The following THAP6 variants were observed in gnomAD, a reference collection of about 807,000 sequenced individuals.
THAP6 encodes THAP domain containing 6.
Under a neutral mutation model 20.0 loss-of-function variants are expected in THAP6, and 13 were observed. The observed-to-expected ratio is 0.65, with a 90% CI of 0.42 to 1.03. THAP6 has a LOEUF of 1.03. Among genes scored for constraint, THAP6 ranks in the 50% least tolerant of loss-of-function variants. The pLI, the probability that THAP6 is intolerant of heterozygous loss-of-function variation, is 0.00. For synonymous variants in THAP6, 93 were observed against 92.2 expected (o/e 1.01, Z -0.05); for missense variants, 262 against 261.6 (o/e 1.00, Z -0.01).
chr4:75,543,642 T>C lies in THAP6; in HGVS notation c.243+1156T>C, dbSNP rs113940535. Among the ~76,000 whole-genome samples, 11 of 152,328 alleles carry C rather than the reference T, an allele frequency of 7.2e-5. 1 individual carries two copies. Among genetic ancestry groups the C allele is most frequent in the African/African-American group, 2.2e-4 (9 of 41,576 alleles). ...ATTGGCAGTCATAGATTACAGCCGATTCCTGGAACCAAGAGAGTAGAGAAA... is the reference window on the plus strand; with the variant it reads ...ATTGGCAGTCATAGATTACAGCCGACTCCTGGAACCAAGAGAGTAGAGAAA... On this transcript the variant is annotated intron_variant, in intron 3 of 4. Transcript: ENST00000502620.
chr4:75,525,961 G>A (rs887500843), intron 4 of THAP6, among the ~76,000 whole-genome samples: 4 of 152,178 alleles, frequency 2.6e-5, no homozygotes, highest in African/African-American at 9.7e-5. Flanking sequence ...ACTCAAAGGG[G>A]AGCCTCTGAA....
chr4:75,536,535 G>A (rs1006546581), intron 2 of THAP6, among the ~76,000 whole-genome samples: 2 of 151,578 alleles, frequency 1.3e-5, no homozygotes, highest in East Asian at 2.0e-4. Context: ...ATTTTATTTA[G>A]TTAGTTATTG....
intron 4 of THAP6, among the ~76,000 whole-genome samples, chr4:75,523,562 G>C (rs1726169223): frequency 6.6e-6 from 1 of 152,060 alleles, no homozygotes; most frequent in Admixed American, 6.6e-5. Context: ...CCAGCACTTT[G>C]GGAGGCCAAG....
At chr4:75,524,637 G>A (rs527839242) in intron 4 of THAP6, among the ~76,000 whole-genome samples, 7 of 152,124 alleles carry the variant, frequency 4.6e-5, no homozygotes, top group Non-Finnish European at 1.0e-4. Context: ...TTGCCCTGCT[G>A]TATTCTTACA....
Position 75,528,566 on chromosome 4 carries a change from G to A in THAP6, c.*1352G>A. 1.0e-6 allele frequency: 1 copy of A among 982,310 alleles called. No individual in the cohort carries two copies. Among genetic ancestry groups the A allele is most frequent in the Non-Finnish European group, 1.2e-6 (1 of 827,176 alleles). 60.8% of individuals were successfully genotyped at this position (982,310 alleles called of 1,614,324 possible). A position where few individuals can be genotyped will look rare whatever the true frequency, so the allele number is the denominator to read the frequency against. ...TTTTTGTTACATTAATATTAGTTAA[G>A]ATATGGTCACTTGAATTTTTTGTAT... On this transcript the variant is annotated 3_prime_UTR_variant, in exon 5 of 5. Coordinates refer to ENST00000311638, the MANE Select transcript of THAP6 (RefSeq NM_144721.6).
intron 2 of THAP6, among the ~76,000 whole-genome samples, chr4:75,536,166 T>C (rs1385766196): frequency 5.3e-5 from 8 of 152,150 alleles, no homozygotes; most frequent in Non-Finnish European, 1.2e-4. Flanking sequence ...TGAGACTGGA[T>C]TAAAAAGTAA....
intron 2 of THAP6, 138 bp from the exon 3 acceptor site, chr4:75,516,634 G>C: frequency 1.4e-6 from 1 of 710,790 alleles, no homozygotes. Flanking sequence ...ATGAATTATG[G>C]TTTCCTAAAT....
intron 2 of THAP6, among the ~76,000 whole-genome samples, chr4:75,535,568 T>A (rs994872281): frequency 3.3e-5 from 5 of 152,238 alleles, no homozygotes; most frequent in Admixed American, 1.3e-4. Context: ...TAATGAAGAA[T>A]TAGTGATATG....
At chr4:75,517,243 C>G (rs1180759188) in intron 3 of THAP6, 2 of 303,394 alleles carry the variant, frequency 6.6e-6, no homozygotes, top group African/African-American at 4.3e-5. Flanking sequence ...GTCTTGAACT[C>G]CTGACCTCGT....
In THAP6 at chr4:75,529,838, A is replaced by G; in HGVS notation, c.*2624A>G. On this transcript the variant is annotated 3_prime_UTR_variant, in exon 5 of 5. Transcript: ENST00000311638. ...TGGAATTTTTCTCTATATCAAGTTT[A>G]AATTTCTGGAAATAGACTTTGGTTG... 1.0e-6 allele frequency: 1 copy of G among 985,410 alleles called. No individual in the cohort carries two copies. The highest frequency in any genetic ancestry group is 1.2e-6 in the Non-Finnish European group (1 of 829,876). 61.0% of individuals were successfully genotyped at this position (985,410 alleles called of 1,614,324 possible).
chr4:75,519,451 T>G (rs556726881), intron 3 of THAP6, among the ~76,000 whole-genome samples: 5 of 151,762 alleles, frequency 3.3e-5, no homozygotes, highest in African/African-American at 7.3e-5. Context: ...TAGCATTAGG[T>G]ATATCTCCCA....
In THAP6 at chr4:75,540,987, G is replaced by A. The variant is rs75759652; in HGVS notation, c.166-1422G>A. Among the ~76,000 whole-genome samples the A allele has an allele frequency of 1.8e-4, 27 of 152,230 alleles. No homozygotes were observed. The East Asian group carries it at 4.2e-3, about 24-fold the overall frequency. On this transcript the variant is annotated intron_variant, in intron 2 of 4. Coordinates refer to the THAP6 transcript ENST00000502620. ...CACCATCATCTGGACATATTTTGTT[G>A]AAAATCACATGGGAAAATGGTGTAA...
intron 3 of THAP6, among the ~76,000 whole-genome samples, chr4:75,519,588 T>C (rs541661224): frequency 8.5e-5 from 13 of 152,072 alleles, no homozygotes; most frequent in African/African-American, 2.9e-4. Context: ...GTTTGGTTTT[T>C]TGTTCTTGCG....
intron 4 of THAP6, among the ~76,000 whole-genome samples, chr4:75,524,668 A>C (rs1441090342): frequency 6.6e-6 from 1 of 152,190 alleles, no homozygotes; most frequent in African/African-American, 2.4e-5. Flanking sequence ...CTAATGAAAA[A>C]TTTAATTAAT....
rs911269501 is a variant in THAP6 at position 75,539,959 on chromosome 4, G to A, written c.166-2450G>A. On this transcript the variant is annotated intron_variant, in intron 2 of 4. Transcript: ENST00000502620. ...GCAAGTGGACAGGCAACAGTGGTCA[G>A]GTAGGCTATTTGTGCCTTAAATAAT... is the stretch of plus-strand genomic sequence containing the variant. The A allele has an allele frequency of 2.0e-6, 3 of 1,535,370 alleles. No homozygotes were observed. In the African/African-American group the frequency reaches 4.1e-5, roughly 21 times the overall value.
intron 4 of THAP6, among the ~76,000 whole-genome samples, chr4:75,524,416 T>A (rs1726235444): frequency 1.3e-5 from 2 of 152,238 alleles, no homozygotes; most frequent in Non-Finnish European, 2.9e-5. Context: ...TTCCTTTGTG[T>A]CAGTCCATAT....
chr4:75,516,740 A>T, intron 2 of THAP6, 32 bp from the exon 3 acceptor site: 1 of 1,582,382 alleles, frequency 6.3e-7, no homozygotes, highest in Non-Finnish European at 8.6e-7. Context: ...ATAGTATTTG[A>T]TTTTAAAATA....
chr4:75,543,978 C>T (rs1727069312), intron 3 of THAP6, among the ~76,000 whole-genome samples: 1 of 152,184 alleles, frequency 6.6e-6, no homozygotes, highest in Non-Finnish European at 1.5e-5. Flanking sequence ...AGTGTCCCAT[C>T]CACTCCCTCC....
intron 4 of THAP6, among the ~76,000 whole-genome samples, chr4:75,525,465 T>C (rs1308692144): frequency 6.6e-6 from 1 of 152,218 alleles, no homozygotes; most frequent in Admixed American, 6.5e-5. Context: ...TCTGTAGATA[T>C]TCTATTAGAG....
Sources: allele counts gnomAD v4.1 joint callset (sites outside exome capture counted in the v4.1 genomes callset), GRCh38; gene constraint gnomAD v4.1.1; transcripts MANE v1.5; gene names NCBI Gene and HGNC (gene_info 2026-07-23, HGNC 2026-07-21).